Variants in KLHL29 observed in about 807,000 individuals in gnomAD.
The protein encoded by KLHL29 is kelch-like protein 29.
A neutral mutation model predicts 80.4 loss-of-function variants in KLHL29; 21 were observed. The ratio of observed to expected loss-of-function variants is 0.26; its 90% confidence interval spans 0.19 to 0.38. KLHL29 has a LOEUF of 0.38. Ranked by LOEUF, KLHL29 falls within the 10% of genes least tolerant of loss-of-function variation. KLHL29 has a pLI of 1.00. For synonymous variants in KLHL29, 511 were observed against 526.8 expected, an observed-to-expected ratio of 0.97 and a Z score of 0.41; for missense variants, 867 against 1,223.9, an observed-to-expected ratio of 0.71 and a Z score of 4.35.
At chr2:23,406,609 T>C (rs1055676965) in intron 1 of KLHL29, among the ~76,000 whole-genome samples, 4 of 152,304 alleles carry the variant, frequency 2.6e-5, no homozygotes, top group Non-Finnish European at 5.9e-5. Flanking sequence ...TGTAACTCTC[T>C]GGTGGATAGT....
At chr2:23,535,519 G>C (rs936438373) in intron 2 of KLHL29, among the ~76,000 whole-genome samples, 7 of 152,170 alleles carry the variant, frequency 4.6e-5, no homozygotes, top group Non-Finnish European at 8.8e-5. Context: ...TTAATGAATG[G>C]ATACACAAAA....
intron 2 of KLHL29, among the ~76,000 whole-genome samples, chr2:23,530,619 A>G (rs1405981594): frequency 6.6e-6 from 1 of 152,156 alleles, no homozygotes; most frequent in Non-Finnish European, 1.5e-5. Context: ...TAGTTCTTCC[A>G]TCGTGTGGAA....
At chr2:23,534,633 C>T (rs1034425469) in intron 2 of KLHL29, among the ~76,000 whole-genome samples, 21 of 152,268 alleles carry the variant, frequency 1.4e-4, no homozygotes, top group Non-Finnish European at 2.9e-4. Context: ...ACTGAGCTGC[C>T]CCTTTCCTGC....
At chr2:23,454,766 C>T (rs561896010) in intron 1 of KLHL29, among the ~76,000 whole-genome samples, 6 of 151,780 alleles carry the variant, frequency 4.0e-5, no homozygotes, top group Middle Eastern at 3.4e-3. Context: ...AATCTCTCCC[C>T]GCCTTGCCCA....
At position 23,656,768 on chromosome 2, in the gene KLHL29, G is replaced by A. The variant is rs148855862; in HGVS notation, c.940+13918G>A. On this transcript the variant is annotated intron_variant, in intron 5 of 13. Coordinates refer to ENST00000486442, the MANE Select transcript of KLHL29 (RefSeq NM_052920.2). ...GGAGCCAGGATTAGCACGGGGTGGG[G>A]CCTGCAGAGGGGAGGAATTTCCCAG... Among the ~76,000 whole-genome samples, 394 of 152,208 alleles carry A rather than the reference G, an allele frequency of 2.6e-3. 1 individual carries two copies. The highest frequency in any genetic ancestry group is 8.9e-3 in the African/African-American group (369 of 41,538).
At chr2:23,471,070 T>C (rs1336287745) in intron 1 of KLHL29, among the ~76,000 whole-genome samples, 1 of 152,230 alleles carries the variant, frequency 6.6e-6, no homozygotes, top group Non-Finnish European at 1.5e-5. Context: ...ATATCTGGGC[T>C]GACAGGAGGG....
intron 3 of KLHL29, among the ~76,000 whole-genome samples, chr2:23,569,706 G>A (rs186272347): frequency 5.9e-5 from 9 of 152,236 alleles, no homozygotes; most frequent in South Asian, 2.1e-4. Context: ...ACTAGGAACC[G>A]TCTGTAATGC....
chr2:23,599,645 A>G (rs1668517508), intron 3 of KLHL29, among the ~76,000 whole-genome samples: 1 of 152,134 alleles, frequency 6.6e-6, no homozygotes, highest in Non-Finnish European at 1.5e-5. Flanking sequence ...ACATATGCAT[A>G]TGTATTTTGG....
intron 5 of KLHL29, among the ~76,000 whole-genome samples, chr2:23,657,838 G>A (rs148379777): frequency 8.9e-4 from 136 of 152,294 alleles, no homozygotes; most frequent in African/African-American, 3.1e-3. Context: ...TGAGCCTTCC[G>A]GGCTCCTGAG....
intron 3 of KLHL29, among the ~76,000 whole-genome samples, chr2:23,629,192 C>T (rs1453685228): frequency 6.6e-6 from 1 of 151,998 alleles, no homozygotes; most frequent in East Asian, 1.9e-4. Flanking sequence ...AGGTGCCCCT[C>T]GCGCTCCTCC....
chr2:23,416,688 C>T (rs1286217083), intron 1 of KLHL29, among the ~76,000 whole-genome samples: 2 of 152,204 alleles, frequency 1.3e-5, no homozygotes, highest in Non-Finnish European at 2.9e-5. Context: ...TGCTGCCTAT[C>T]GGGTAAAGAG....
chr2:23,657,054 A>G (rs1318372316), intron 5 of KLHL29, among the ~76,000 whole-genome samples: 1 of 151,920 alleles, frequency 6.6e-6, no homozygotes, highest in Non-Finnish European at 1.5e-5. Flanking sequence ...CTTCTGTCCT[A>G]GGGTGGAAAT....
At position 23,639,218 on chromosome 2, in the gene KLHL29, A is replaced by G. The variant is rs1437200187; in HGVS notation, c.365A>G (p.Gln122Arg). Reference protein sequence around the residue: ...SIRWGQTPINQSTPWDTDEPP... With the variant: ...SIRWGQTPINRSTPWDTDEPP... The stretch of plus-strand genomic sequence containing the variant: ...CGGTGGGGGCAGACGCCTATCAATC[A>G]GTCCACACCCTGGGACACTGATGAG... Residue 122 changes from glutamine to arginine, a missense_variant, in exon 4 of 14, where the codon CAG becomes CGG. By Grantham distance (43) the Gln-to-Arg change is conservative. Coordinates refer to ENST00000486442, the MANE Select transcript of KLHL29 (RefSeq NM_052920.2). 2.6e-6 allele frequency: 4 copies of G among 1,547,942 alleles called. No homozygotes were observed. In the South Asian group the frequency reaches 3.6e-5, roughly 14 times the overall value.
chr2:23,551,862 G>A (rs1257139554), intron 2 of KLHL29, among the ~76,000 whole-genome samples: 10 of 152,240 alleles, frequency 6.6e-5, no homozygotes, highest in Non-Finnish European at 1.0e-4. Context: ...CAAGTCCCCA[G>A]GCGATGCTGT....
At chr2:23,683,617 G>A (rs767104834) in intron 5 of KLHL29, among the ~76,000 whole-genome samples, 26 of 152,300 alleles carry the variant, frequency 1.7e-4, no homozygotes, top group Non-Finnish European at 2.8e-4. Flanking sequence ...CCAAGACACC[G>A]GGCACAGGTA....
rs562714736 is a variant in KLHL29 at position 23,628,614 on chromosome 2, TG to T, written c.286-10524del. 1.7e-3 allele frequency among the ~76,000 whole-genome samples: 262 copies of T among 152,308 alleles called. 2 individuals carry two copies. Among genetic ancestry groups the T allele is most frequent in the African/African-American group, 6.0e-3 (249 of 41,580 alleles). Reference sequence around the variant, plus strand: ...CTGCACTGAGCTGTGATGGCACCATTGTACTCCAGCCTGGATGACAGATCGA... The same window carrying T: ...CTGCACTGAGCTGTGATGGCACCATTTACTCCAGCCTGGATGACAGATCGA... On this transcript the variant is annotated intron_variant, in intron 3 of 13. Transcript: ENST00000486442.
intron 2 of KLHL29, among the ~76,000 whole-genome samples, chr2:23,539,334 T>G (rs1653780): frequency 6.6e-6 from 1 of 152,052 alleles, no homozygotes; most frequent in Non-Finnish European, 1.5e-5. Context: ...TGAAAGGAAT[T>G]GATTTCAGTT....
At chr2:23,612,900 A>G (rs1668904265) in intron 3 of KLHL29, among the ~76,000 whole-genome samples, 1 of 152,224 alleles carries the variant, frequency 6.6e-6, no homozygotes, top group African/African-American at 2.4e-5. Context: ...ATAAATATCA[A>G]TTGTATACAA....
At chr2:23,463,792 G>A (rs1199241720) in intron 1 of KLHL29, among the ~76,000 whole-genome samples, 1 of 152,090 alleles carries the variant, frequency 6.6e-6, no homozygotes, top group African/African-American at 2.4e-5. Flanking sequence ...TATGCACTGC[G>A]CTTCACAAAA....
Sources: allele counts gnomAD v4.1 joint callset (sites outside exome capture counted in the v4.1 genomes callset), GRCh38; gene constraint gnomAD v4.1.1; transcripts MANE v1.5; gene names NCBI Gene and HGNC (gene_info 2026-07-23, HGNC 2026-07-21).